MAL2: variants seen among roughly 807,000 people sequenced by gnomAD.
MAL2 encodes protein MAL2.
A neutral mutation model predicts 18.1 loss-of-function variants in MAL2; 17 were observed. That is an observed-to-expected ratio of 0.94 (90% confidence interval 0.64 to 1.41). The LOEUF (loss-of-function observed/expected upper bound fraction) is 1.41, where lower values mean the gene tolerates loss of function less well. Among genes scored for constraint, MAL2 ranks in the 40% most tolerant of loss-of-function variants. The probability of loss-of-function intolerance (pLI) is 0.00; values close to 1 mark genes in which losing one functional copy is unlikely to be tolerated. For synonymous variants in MAL2, 102 were observed against 102.3 expected, an observed-to-expected ratio of 1.00 and a Z score of 0.02; for missense variants, 222 against 231.9, an observed-to-expected ratio of 0.96 and a Z score of 0.28.
intron 1 of MAL2, among the ~76,000 whole-genome samples, chr8:119,219,173 A>G (rs977100714): frequency 6.6e-6 from 1 of 152,192 alleles, no homozygotes; most frequent in Non-Finnish European, 1.5e-5. Flanking sequence ...TTTCTGGATC[A>G]ATTGTTAATT....
At chr8:119,218,270 C>T (rs1563769584) in intron 1 of MAL2, among the ~76,000 whole-genome samples, 1 of 152,144 alleles carries the variant, frequency 6.6e-6, no homozygotes, top group Non-Finnish European at 1.5e-5. Context: ...ACATACCCCA[C>T]AAGTGAGGAG....
Position 119,208,478 on chromosome 8 carries a change from G to A in MAL2, c.6G>A (p.Ser2=). M[S]AGGASVPPPP... ...GCAGCAGCGGCAGCGGCAGCATGTCGGCCGGCGGAGCGTCAGTCCCGCCGC... is the reference window on the plus strand; with the variant it reads ...GCAGCAGCGGCAGCGGCAGCATGTCAGCCGGCGGAGCGTCAGTCCCGCCGC... The change falls in exon 1 of 4, where the codon TCG becomes TCA. Residue 2 remains serine (S), a synonymous_variant. Coordinates refer to ENST00000614891, the MANE Select transcript of MAL2 (RefSeq NM_052886.3). This position sits in a 1 kb window ranked among gnomAD's most constrained non-coding sequence, Gnocchi z 4.3. The A allele has an allele frequency of 1.6e-6, 2 of 1,268,408 alleles. No individual in the cohort carries two copies. The highest frequency in any genetic ancestry group is 3.7e-5 in the Admixed American group (1 of 26,736). 78.6% of individuals were successfully genotyped at this position (1,268,408 alleles called of 1,614,324 possible). A position where few individuals can be genotyped will look rare whatever the true frequency, so the allele number is the denominator to read the frequency against.
chr8:119,234,008 C>G (rs369136958), intron 2 of MAL2, among the ~76,000 whole-genome samples: 1 of 152,148 alleles, frequency 6.6e-6, no homozygotes, highest in Admixed American at 6.5e-5. Flanking sequence ...GCGTGAGTGA[C>G]GCAGAAGACG....
At chr8:119,239,768 TGTG>T (rs1818006196) in intron 2 of MAL2, among the ~76,000 whole-genome samples, 1 of 147,926 alleles carries the variant, frequency 6.8e-6, no homozygotes, top group South Asian at 2.1e-4. Flanking sequence ...TGGGGACTGT[TGTG>T]GGGAGGGATA....
intron 2 of MAL2, among the ~76,000 whole-genome samples, chr8:119,231,934 T>C (rs995918809): frequency 1.3e-5 from 2 of 152,070 alleles, no homozygotes; most frequent in Non-Finnish European, 2.9e-5. Context: ...ACTGGGGAAA[T>C]GTTGGTCAAA....
At position 119,218,093 on chromosome 8, in the gene MAL2, G is replaced by A. The variant is rs79742779; in HGVS notation, c.133-3494G>A. Among the ~76,000 whole-genome samples, 740 of 152,232 alleles carry A rather than the reference G, an allele frequency of 4.9e-3. 3 individuals are homozygous for A. The highest frequency in any genetic ancestry group is 0.017 in the African/African-American group (722 of 41,536). ...GTATGACAGTCTCAAAATGAGGATG[G>A]TGGCCCTCCAAAGTGGGCTCAATTA... On this transcript the variant is annotated intron_variant, in intron 1 of 3. Transcript: ENST00000614891.
At chr8:119,241,598 AGAGT>A (rs1818049508) in intron 3 of MAL2, among the ~76,000 whole-genome samples, 1 of 152,116 alleles carries the variant, frequency 6.6e-6, no homozygotes, top group Non-Finnish European at 1.5e-5. Flanking sequence ...ATACATGTCT[AGAGT>A]GAGTTTTGAG....
rs1818135572 is a variant in MAL2 at position 119,245,562 on chromosome 8, C to G, written c.*2074C>G. 6.6e-6 allele frequency: 1 copy of G among 152,526 alleles called. No homozygotes were observed. The highest frequency in any genetic ancestry group is 2.1e-4 in the South Asian group (1 of 4,832). 9.4% of individuals were successfully genotyped at this position (152,526 alleles called of 1,614,324 possible). On this transcript the variant is annotated 3_prime_UTR_variant, in exon 4 of 4. Transcript: ENST00000614891. ...TATGGCATTTAAGAATTTAACATGTCTTAGCTGTAAAAATGAGAAAGTGTT... is the reference window on the plus strand; with the variant it reads ...TATGGCATTTAAGAATTTAACATGTGTTAGCTGTAAAAATGAGAAAGTGTT...
In MAL2 at chr8:119,227,614, T is replaced by C. The variant is rs897794137; in HGVS notation, c.303+5857T>C. Among the ~76,000 whole-genome samples the C allele has an allele frequency of 2.0e-5, 3 of 152,332 alleles. No individual in the cohort carries two copies. The South Asian group carries it at 6.2e-4, about 32-fold the overall frequency. On this transcript the variant is annotated intron_variant, in intron 2 of 3. Transcript: ENST00000614891. ...CTGAAGCTGGAGGCTGTCAGCTACC[T>C]GCACCCCTCACAGCTAAACATCAAG...
At chr8:119,234,273 C>A (rs566614928) in intron 2 of MAL2, among the ~76,000 whole-genome samples, 2 of 152,174 alleles carry the variant, frequency 1.3e-5, no homozygotes, top group African/African-American at 4.8e-5. Flanking sequence ...CGGCGCACCA[C>A]GAGATTGTAT....
intron 1 of MAL2, among the ~76,000 whole-genome samples, chr8:119,218,836 A>G (rs1202095929): frequency 6.6e-6 from 1 of 152,338 alleles, no homozygotes; most frequent in South Asian, 2.1e-4. Flanking sequence ...ACAGTGGCCA[A>G]TTGCTTTTTA....
intron 2 of MAL2, among the ~76,000 whole-genome samples, chr8:119,222,909 A>G (rs1817498795): frequency 6.6e-6 from 1 of 151,838 alleles, no homozygotes. Flanking sequence ...CTTTTTGTTT[A>G]GTATATAGAG....
In MAL2 at chr8:119,244,740, C is replaced by A. The variant is rs1470459938; in HGVS notation, c.*1252C>A. The A allele has an allele frequency of 2.0e-5, 3 of 152,260 alleles. No individual in the cohort carries two copies. The highest frequency in any genetic ancestry group is 4.4e-5 in the Non-Finnish European group (3 of 68,024). The allele number at this position is 152,260 out of a possible 1,614,324, so 9.4% of individuals were successfully genotyped here. On this transcript the variant is annotated 3_prime_UTR_variant, in exon 4 of 4. Transcript: ENST00000614891. Reference sequence around the variant, plus strand: ...TTTTTGCACTGGTGACAGACAAAATCTGTTTTAAAATCATATCCAGCACAA... The same window carrying A: ...TTTTTGCACTGGTGACAGACAAAATATGTTTTAAAATCATATCCAGCACAA...
chr8:119,210,640 T>C (rs1817254536), intron 1 of MAL2, among the ~76,000 whole-genome samples: 1 of 152,218 alleles, frequency 6.6e-6, no homozygotes, highest in South Asian at 2.1e-4. Flanking sequence ...GAATTCTCTC[T>C]ATCCGCTAAA....
At chr8:119,216,090 A>G (rs1817349246) in intron 1 of MAL2, among the ~76,000 whole-genome samples, 1 of 152,162 alleles carries the variant, frequency 6.6e-6, no homozygotes, top group African/African-American at 2.4e-5. Context: ...GTAAACATCC[A>G]TTAAAATAGA....
At chr8:119,216,497 C>G (rs1365730380) in intron 1 of MAL2, among the ~76,000 whole-genome samples, 1 of 152,114 alleles carries the variant, frequency 6.6e-6, no homozygotes, top group African/African-American at 2.4e-5. Flanking sequence ...AAATAAAACC[C>G]TTATAACGGT....
chr8:119,217,872 G>A (rs992826975), intron 1 of MAL2, among the ~76,000 whole-genome samples: 4 of 152,064 alleles, frequency 2.6e-5, no homozygotes, highest in Non-Finnish European at 5.9e-5. Context: ...ACTAATGCCC[G>A]GAATTAGAGG....
intron 2 of MAL2, among the ~76,000 whole-genome samples, chr8:119,226,123 G>A (rs1354563946): frequency 2.0e-5 from 3 of 152,154 alleles, no homozygotes; most frequent in African/African-American, 7.2e-5. Flanking sequence ...CTTTTGCTGT[G>A]CAGAAGCTTT....
rs946816851 is a variant in MAL2 at position 119,227,611 on chromosome 8, A to G, written c.303+5854A>G. ...CCACTGAAGCTGGAGGCTGTCAGCT[A>G]CCTGCACCCCTCACAGCTAAACATC... On this transcript the variant is annotated intron_variant, in intron 2 of 3. Transcript: ENST00000614891. 3.9e-5 allele frequency among the ~76,000 whole-genome samples: 6 copies of G among 152,216 alleles called. No individual in the cohort carries two copies. The South Asian group carries it at 8.3e-4, about 21-fold the overall frequency.
Sources: gnomAD v4.1 joint callset for allele counts (sites outside exome capture counted in the v4.1 genomes callset) on GRCh38, gnomAD v4.1.1 for gene constraint, Gnocchi (gnomAD v3.1) non-coding constraint, MANE v1.5 for transcripts, NCBI Gene and HGNC (gene_info 2026-07-23, HGNC 2026-07-21) for gene names.